ATMIN: variants seen among roughly 807,000 people sequenced by gnomAD.
ATMIN encodes the protein ATM INteracting protein.
ATMIN carries 24 observed loss-of-function variants against 49.2 expected under a neutral mutation model. The observed-to-expected ratio is 0.49, with a 90% CI of 0.35 to 0.69. The LOEUF is 0.69. ATMIN is among the 30% of genes least tolerant of loss of function. The pLI is 0.00. For synonymous variants in ATMIN, 450 were observed against 392.5 expected, an observed-to-expected ratio of 1.15 and a Z score of -1.73; for missense variants, 1,037 against 1,005.5, an observed-to-expected ratio of 1.03 and a Z score of -0.42.
Position 81,046,635 on chromosome 16 carries a change from A to C in ATMIN, c.*1665A>C, listed in dbSNP as rs1007331600. 6 of 149,376 alleles carry C rather than the reference A, an allele frequency of 4.0e-5. No individual in the cohort carries two copies. Among genetic ancestry groups the C allele is most frequent in the Admixed American group, 2.7e-4 (4 of 14,636 alleles). 9.3% of individuals were successfully genotyped at this position (149,376 alleles called of 1,614,324 possible). On this transcript the variant is annotated 3_prime_UTR_variant, in exon 4 of 4. Coordinates refer to ENST00000299575, the MANE Select transcript of ATMIN (RefSeq NM_015251.3). ...GCTAAGTTCCAGTCAAGTAGGAATC[A>C]GTGCAGCCTGTAAGTTCTCCACATT...
intron 1 of ATMIN, among the ~76,000 whole-genome samples, chr16:81,040,344 T>C (rs1971017010): frequency 6.6e-6 from 1 of 152,118 alleles, no homozygotes. Flanking sequence ...AGGAGGCTGC[T>C]GTGCTGGTGA....
chr16:81,036,158 C>T lies in ATMIN; in HGVS notation c.288C>T (p.Pro96=). ...TGCGCGGCTGCGGCAAGATCCTGCC[C>T]AACAGCCCCGCGCTCAACATGCACC... ...CTVRGCGKIL[P]NSPALNMHLV... The change falls in exon 1 of 4, where the codon CCC becomes CCT. Residue 96 remains proline (P), a synonymous_variant. Coordinates refer to ENST00000299575, the MANE Select transcript of ATMIN (RefSeq NM_015251.3). 6.8e-7 allele frequency: 1 copy of T among 1,475,060 alleles called. No individual in the cohort carries two copies. The highest frequency in any genetic ancestry group is 9.0e-7 in the Non-Finnish European group (1 of 1,107,382). 91.4% of individuals were successfully genotyped at this position (1,475,060 alleles called of 1,614,324 possible). A position where few individuals can be genotyped will look rare whatever the true frequency, so the allele number is the denominator to read the frequency against.
chr16:81,037,201 A>C, intron 1 of ATMIN: 1 of 985,502 alleles, frequency 1.0e-6, no homozygotes, highest in East Asian at 1.1e-4. Context: ...CAGCAGTGAC[A>C]TAATTCAAAA....
intron 1 of ATMIN, 102 bp downstream of exon 1, chr16:81,036,308 GCGCTGC>G (rs1291640854): frequency 4.9e-5 from 51 of 1,042,400 alleles, no homozygotes; most frequent in African/African-American, 8.5e-5. Context: ...AGCGCCCTGC[GCGCTGC>G]CGCTGCCGCT....
At chr16:81,037,492 C>G (rs775260911) in intron 1 of ATMIN, 3 of 985,402 alleles carry the variant, frequency 3.0e-6, no homozygotes, top group African/African-American at 1.7e-5. Flanking sequence ...TGAGGAAGAC[C>G]GTGCAGGTGG....
chr16:81,042,147 T>C (rs943005568), intron 2 of ATMIN, 134 bp from the exon 3 acceptor site: 28 of 751,532 alleles, frequency 3.7e-5, no homozygotes, highest in Non-Finnish European at 6.2e-5. Context: ...TACATTCTTT[T>C]GACTTGGACT....
Position 81,041,443 on chromosome 16 carries a change from C to T in ATMIN, c.424C>T (p.Pro142Ser), listed in dbSNP as rs1337380742. ...CCPIEGCPRG[P>S]ERPFSQFSLV... ...TCCAATTGAAGGCTGCCCCAGAGGC[C>T]CTGAGAGACCGTTTTCTCAGTTTTC... Residue 142 changes from proline (P) to serine (S), a missense_variant, in exon 2 of 4, where the codon CCT (proline) becomes TCT (serine). Pro to Ser is a moderately conservative substitution (Grantham distance 74, BLOSUM62 -1). Coordinates refer to ENST00000299575, the MANE Select transcript of ATMIN (RefSeq NM_015251.3). 3.7e-6 allele frequency: 6 copies of T among 1,611,828 alleles called. No individual in the cohort carries two copies. Among genetic ancestry groups the T allele is most frequent in the Middle Eastern group, 3.3e-4 (2 of 6,044 alleles).
chr16:81,038,491 A>G (rs1454689095), intron 1 of ATMIN, among the ~76,000 whole-genome samples: 1 of 151,996 alleles, frequency 6.6e-6, no homozygotes, highest in East Asian at 1.9e-4. Context: ...TTTTCTTGAC[A>G]AGCAGACTGA....
At chr16:81,041,513 G>A in intron 2 of ATMIN, 32 bp downstream of exon 2, 2 of 1,581,802 alleles carry the variant, frequency 1.3e-6, no homozygotes, top group Non-Finnish European at 1.7e-6. Context: ...AGATACAGAT[G>A]CTAAAAACCT....
At chr16:81,042,545 C>A in intron 3 of ATMIN, 65 bp downstream of exon 3, 1 of 1,512,216 alleles carries the variant, frequency 6.6e-7, no homozygotes, top group East Asian at 2.3e-5. Context: ...ATGAAACATC[C>A]TGGAGAGCCA....
intron 1 of ATMIN, among the ~76,000 whole-genome samples, chr16:81,038,874 C>G (rs1970991525): frequency 6.6e-6 from 1 of 152,192 alleles, no homozygotes; most frequent in Non-Finnish European, 1.5e-5. Flanking sequence ...CGGCTCACTG[C>G]AACTTCCGCT....
At chr16:81,040,505 T>A (rs1971019046) in intron 1 of ATMIN, 1 of 152,208 alleles carries the variant, frequency 6.6e-6, no homozygotes, top group Admixed American at 6.5e-5. Flanking sequence ...CTGAAGAGAT[T>A]CAGTATAATG....
chr16:81,036,519 C>T (rs895736097), intron 1 of ATMIN, among the ~76,000 whole-genome samples: 5 of 152,196 alleles, frequency 3.3e-5, no homozygotes, highest in African/African-American at 1.2e-4. Context: ...CACTTTTTTG[C>T]CTGTGAGTTC....
chr16:81,041,622 TGAGTATGCTGTTACACAAGTG>T (rs1237985948), intron 2 of ATMIN, 141 bp downstream of exon 2: 6 of 1,063,474 alleles, frequency 5.6e-6, no homozygotes, highest in Non-Finnish European at 6.7e-6. Flanking sequence ...GGTATAAACC[TGAGTATGCTGTTACACAAGTG>T]GAGGGAAAAG....
At chr16:81,036,279 A>T (rs1051643311) in intron 1 of ATMIN, 73 bp downstream of exon 1, 38 of 1,089,158 alleles carry the variant, frequency 3.5e-5, no homozygotes, top group Non-Finnish European at 4.2e-5. Flanking sequence ...CGGCGCGCGA[A>T]GCCGGCCTCG....
At position 81,044,174 on chromosome 16, in the gene ATMIN, T is replaced by C. The variant is rs776561312; in HGVS notation, c.1676T>C (p.Ile559Thr). Residue 559 changes from isoleucine (I) to threonine (T), a missense_variant, in exon 4 of 4, where the codon ATT (isoleucine) becomes ACT (threonine). Coordinates refer to ENST00000299575, the MANE Select transcript of ATMIN (RefSeq NM_015251.3). ...GAGCCTAAGACTTTAAATCAAGATA[T>C]TGAGAAATCTGCACCAATTATAAAT... ...QNEPKTLNQD[I>T]EKSAPIINFS... The C allele has an allele frequency of 4.5e-5, 73 of 1,614,134 alleles. No individual in the cohort carries two copies. The South Asian group carries it at 4.7e-4, about 10-fold the overall frequency.
chr16:81,035,880 T>A lies in ATMIN; in HGVS notation c.10T>A (p.Ser4Thr). The change falls in exon 1 of 4, where the codon TCG (serine) becomes ACG (threonine). Residue 4 changes from serine (S) to threonine (T), a missense_variant. Physicochemically the swap from Ser to Thr is moderately conservative, Grantham distance 58. Transcript: ENST00000299575. ...CGGCCGTGCGGGAGCCATGGCGGCCTCGGAGGCGGCGGCGGCGGCGGGGTC... is the reference window on the plus strand; with the variant it reads ...CGGCCGTGCGGGAGCCATGGCGGCCACGGAGGCGGCGGCGGCGGCGGGGTC... MAA[S>T]EAAAAAGSAA... is the part of the protein sequence containing the mutation. 1 of 954,604 alleles carries A rather than the reference T, an allele frequency of 1.0e-6. No individual in the cohort carries two copies. Among genetic ancestry groups the A allele is most frequent in the Non-Finnish European group, 1.2e-6 (1 of 804,626 alleles). 59.1% of individuals were successfully genotyped at this position (954,604 alleles called of 1,614,324 possible).
intron 2 of ATMIN, 173 bp downstream of exon 2, chr16:81,041,654 C>T (rs977066447): frequency 3.6e-5 from 26 of 725,226 alleles, no homozygotes; most frequent in Admixed American, 1.0e-4. Context: ...GAGGGAAAAG[C>T]GGCACGGTCT....
rs549446016 is a variant in ATMIN, at chr16:81,044,182, T to G, written c.1684T>G (p.Ser562Ala). Reference sequence around the variant, plus strand: ...GACTTTAAATCAAGATATTGAGAAATCTGCACCAATTATAAATTTCAGTGC... The same window carrying G: ...GACTTTAAATCAAGATATTGAGAAAGCTGCACCAATTATAAATTTCAGTGC... ...PKTLNQDIEK[S>A]APIINFSAQN... The change falls in exon 4 of 4, where the codon TCT becomes GCT. Residue 562 changes from serine to alanine, a missense_variant. Transcript: ENST00000299575. 1 of 1,614,182 alleles carries G rather than the reference T, an allele frequency of 6.2e-7. No homozygotes were observed. Among genetic ancestry groups the G allele is most frequent in the Non-Finnish European group, 8.5e-7 (1 of 1,180,000 alleles).
Sources: allele counts gnomAD v4.1 joint callset (sites outside exome capture counted in the v4.1 genomes callset), GRCh38; gene constraint gnomAD v4.1.1; transcripts MANE v1.5; gene names NCBI Gene and HGNC (gene_info 2026-07-23, HGNC 2026-07-21).